Variants in MAPK8IP2 observed in about 807,000 individuals in gnomAD.
The protein encoded by MAPK8IP2 is C-Jun-amino-terminal kinase-interacting protein 2.
In MAPK8IP2, 15 loss-of-function variants were observed where a neutral mutation model predicts 75.6. The observed-to-expected ratio is 0.20, with a 90% CI of 0.13 to 0.31. MAPK8IP2 has a LOEUF of 0.31. Ranked by LOEUF, MAPK8IP2 falls within the 10% of genes least tolerant of loss-of-function variation. The probability of loss-of-function intolerance (pLI) is 1.00; values close to 1 mark genes in which losing one functional copy is unlikely to be tolerated. For missense variants in MAPK8IP2, 1,089 were observed against 1,211.2 expected, an observed-to-expected ratio of 0.90 and a Z score of 1.50; for synonymous variants, 632 against 554.5, an observed-to-expected ratio of 1.14 and a Z score of -1.96.
intron 2 of MAPK8IP2, among the ~76,000 whole-genome samples, chr22:50,602,785 G>C (rs763799664): frequency 6.6e-6 from 1 of 152,214 alleles, no homozygotes; most frequent in Non-Finnish European, 1.5e-5. Flanking sequence ...CTGAACATCC[G>C]CTGAGCCCCA....
chr22:50,610,859 T>C lies in MAPK8IP2; in HGVS notation c.*80T>C. 4 of 1,309,184 alleles carry C rather than the reference T, an allele frequency of 3.1e-6. No individual in the cohort carries two copies. The highest frequency in any genetic ancestry group is 4.3e-6 in the Non-Finnish European group (4 of 939,886). The allele number at this position is 1,309,184 out of a possible 1,614,324, so 81.1% of individuals were successfully genotyped here. ...GATGTCTCAAGAGGCCACCATGGCT[T>C]TGGCAAGGACTGGATTGGGGGGACA... On this transcript the variant is annotated 3_prime_UTR_variant, in exon 12 of 12. Coordinates refer to ENST00000329492, the MANE Select transcript of MAPK8IP2 (RefSeq NM_012324.6). The surrounding 1 kb of genome is among the most constrained non-coding windows in gnomAD (Gnocchi z 4.3).
chr22:50,606,896 G>A, intron 9 of MAPK8IP2, 25 bp from the exon 10 acceptor site: 2 of 1,612,512 alleles, frequency 1.2e-6, no homozygotes, highest in Middle Eastern at 1.7e-4. Flanking sequence ...TTTGACACAG[G>A]GACTTCTGCC....
chr22:50,604,585 C>T lies in MAPK8IP2; in HGVS notation c.1286C>T (p.Pro429Leu). 1 of 1,368,544 alleles carries T rather than the reference C, an allele frequency of 7.3e-7. No individual in the cohort carries two copies. The highest frequency in any genetic ancestry group is 1.6e-5 in the African/African-American group (1 of 64,276). The allele number at this position is 1,368,544 out of a possible 1,614,324, so 84.8% of individuals were successfully genotyped here. Residue 429 changes from proline to leucine, a missense_variant, in exon 5 of 12, where the codon CCC becomes CTC. By Grantham distance (98) the Pro-to-Leu change is moderately conservative. Coordinates refer to ENST00000329492, the MANE Select transcript of MAPK8IP2 (RefSeq NM_012324.6). ...PPAPAAPRPG[P>L]AQPGPCLFLS... The stretch of plus-strand genomic sequence containing the variant: ...GCGCCCGCCGCGCCTCGACCCGGCC[C>T]CGCGCAGCCCGGGCCCTGCCTATTC...
In MAPK8IP2 at chr22:50,610,242, G is replaced by C; in HGVS notation, c.2334G>C (p.Leu778=). Residue 778 remains leucine (L), a synonymous_variant, in exon 11 of 12, where the codon CTG becomes CTC. Coordinates refer to ENST00000329492, the MANE Select transcript of MAPK8IP2 (RefSeq NM_012324.6). This position sits in a 1 kb window ranked among gnomAD's most constrained non-coding sequence, Gnocchi z 4.3. ...TCGGCTTCATCACCAAACACCCCCT[G>C]CTGAGCCGCTTCGCCTGCCACGTCT... The part of the protein sequence containing the change: ...CYFGFITKHP[L]LSRFACHVFV... 6.2e-6 allele frequency: 10 copies of C among 1,602,368 alleles called. No homozygotes were observed. Among genetic ancestry groups the C allele is most frequent in the Non-Finnish European group, 8.5e-6 (10 of 1,175,022 alleles).
intron 10 of MAPK8IP2, among the ~76,000 whole-genome samples, chr22:50,608,399 A>G (rs1041209705): frequency 7.7e-6 from 1 of 130,376 alleles, no homozygotes; most frequent in Non-Finnish European, 1.7e-5. Flanking sequence ...AGGGGCGCAG[A>G]CCAGACAGTG....
In MAPK8IP2 at chr22:50,604,665, G is replaced by C; in HGVS notation, c.1366G>C (p.Ala456Pro). ...GCCGCTGTGGGCCGCGCCCGGCCGCGCCGCCCGCCCGGGACGAGCCTGCTC... is the reference window on the plus strand; with the variant it reads ...GCCGCTGTGGGCCGCGCCCGGCCGCCCCGCCCGCCCGGGACGAGCCTGCTC... ...ITPLWAAPGRAARPGRACSAA... is the reference protein window; with the variant it reads ...ITPLWAAPGRPARPGRACSAA... The change falls in exon 5 of 12, where the codon GCC (alanine) becomes CCC (proline). Residue 456 changes from alanine (A) to proline (P), a missense_variant. Transcript: ENST00000329492. The C allele has an allele frequency of 6.6e-7, 1 of 1,521,368 alleles. No individual in the cohort carries two copies. The highest frequency in any genetic ancestry group is 8.8e-7 in the Non-Finnish European group (1 of 1,139,446). The allele number at this position is 1,521,368 out of a possible 1,614,324, so 94.2% of individuals were successfully genotyped here. A position where few individuals can be genotyped will look rare whatever the true frequency, so the allele number is the denominator to read the frequency against.
At chr22:50,606,493 G>A (rs1332210574) in intron 8 of MAPK8IP2, among the ~76,000 whole-genome samples, 165 bp from the exon 9 acceptor site, 1 of 152,250 alleles carries the variant, frequency 6.6e-6, no homozygotes. Context: ...CCTGAGGAGT[G>A]GCCAAGGCCA....
In MAPK8IP2 at chr22:50,603,732, G is replaced by A; in HGVS notation, c.541+13G>A. 6.4e-7 allele frequency: 1 copy of A among 1,556,202 alleles called. No individual in the cohort carries two copies. The highest frequency in any genetic ancestry group is 8.7e-7 in the Non-Finnish European group (1 of 1,149,918). Reference sequence around the variant, plus strand: ...GAGGCCCTCAGAGGTGAGGGGTGGTGGGCCCGCGGGGCGCGGGGAAGCGGG... The same window carrying A: ...GAGGCCCTCAGAGGTGAGGGGTGGTAGGCCCGCGGGGCGCGGGGAAGCGGG... On this transcript the variant is annotated intron_variant, in intron 4 of 11. Transcript: ENST00000329492.
chr22:50,606,494 G>A (rs1004134105), intron 8 of MAPK8IP2, among the ~76,000 whole-genome samples, 164 bp from the exon 9 acceptor site: 22 of 152,232 alleles, frequency 1.4e-4, no homozygotes, highest in Non-Finnish European at 1.6e-4. Flanking sequence ...CTGAGGAGTG[G>A]CCAAGGCCAC....
intron 2 of MAPK8IP2, among the ~76,000 whole-genome samples, 185 bp downstream of exon 2, chr22:50,602,079 T>G (rs568057769): frequency 9.9e-5 from 15 of 152,146 alleles, no homozygotes; most frequent in Non-Finnish European, 1.9e-4. Flanking sequence ...TCCAACACAT[T>G]GCAGGCCTCC....
At chr22:50,609,978 C>G (rs1449176163) in intron 10 of MAPK8IP2, 2 of 708,434 alleles carry the variant, frequency 2.8e-6, no homozygotes, top group Non-Finnish European at 5.2e-6. Flanking sequence ...GTGGACGCCC[C>G]TGGTCATCAT....
intron 10 of MAPK8IP2, among the ~76,000 whole-genome samples, chr22:50,608,803 C>T (rs2071096131): frequency 7.3e-6 from 1 of 137,000 alleles, no homozygotes. Flanking sequence ...GGGGCCAGCT[C>T]TGGGGTCACT....
chr22:50,610,402 G>A lies in MAPK8IP2; in HGVS notation c.2402+92G>A, dbSNP rs1214614028. ...AGCAGGTGGGGGCAGGAGCCTGGCA[G>A]GGGAGGTCTGGGGAAGGAGAACCAG... On this transcript the variant is annotated intron_variant, in intron 11 of 11. Coordinates refer to ENST00000329492, the MANE Select transcript of MAPK8IP2 (RefSeq NM_012324.6). The surrounding 1 kb of genome is among the most constrained non-coding windows in gnomAD (Gnocchi z 4.3). 3 of 1,068,356 alleles carry A rather than the reference G, an allele frequency of 2.8e-6. No individual in the cohort carries two copies. The highest frequency in any genetic ancestry group is 3.1e-5 in the African/African-American group (2 of 63,892). 66.2% of individuals were successfully genotyped at this position (1,068,356 alleles called of 1,614,324 possible). A position where few individuals can be genotyped will look rare whatever the true frequency, so the allele number is the denominator to read the frequency against.
At chr22:50,609,497 G>A (rs1260359357) in intron 10 of MAPK8IP2, among the ~76,000 whole-genome samples, 2 of 152,000 alleles carry the variant, frequency 1.3e-5, no homozygotes, top group East Asian at 1.9e-4. Flanking sequence ...TGTGGACAGC[G>A]TGCACACACT....
In MAPK8IP2 at chr22:50,610,066, G is replaced by C. The variant is rs2071122169; in HGVS notation, c.2304-146G>C. On this transcript the variant is annotated intron_variant, in intron 10 of 11. Transcript: ENST00000329492. The surrounding 1 kb of genome is among the most constrained non-coding windows in gnomAD (Gnocchi z 4.3). ...CTGAAACCAAAAAAAGACAACTTCA[G>C]ATCTTGAAATTGTGCGACCCCCACA... The C allele has an allele frequency of 6.9e-6, 5 of 727,498 alleles. No homozygotes were observed. The highest frequency in any genetic ancestry group is 5.3e-5 in the East Asian group (2 of 37,936). The allele number at this position is 727,498 out of a possible 1,614,324, so 45.1% of individuals were successfully genotyped here.
chr22:50,603,031 C>T (rs1166011423), intron 2 of MAPK8IP2, 192 bp from the exon 3 acceptor site: 131 of 1,253,760 alleles, frequency 1.0e-4, no homozygotes, highest in Non-Finnish European at 1.3e-4. Context: ...TTAGGCCCTT[C>T]CCAAGAACTG....
chr22:50,609,240 G>T (rs1230447248), intron 10 of MAPK8IP2, among the ~76,000 whole-genome samples: 2 of 152,134 alleles, frequency 1.3e-5, no homozygotes, highest in South Asian at 4.1e-4. Flanking sequence ...CTGGTGTTGG[G>T]ATCACAGACT....
At position 50,611,275 on chromosome 22, in the gene MAPK8IP2, G is replaced by A. The variant is rs895918162; in HGVS notation, c.*496G>A. ...CCCATCCTTGACCACAGGGACAAGA[G>A]GGGCCCCCTCGCCCCAGCCCCACCC... On this transcript the variant is annotated 3_prime_UTR_variant, in exon 12 of 12. Transcript: ENST00000329492. This position sits in a 1 kb window ranked among gnomAD's most constrained non-coding sequence, Gnocchi z 5.5. 1 of 153,356 alleles carries A rather than the reference G, an allele frequency of 6.5e-6. No individual in the cohort carries two copies. The highest frequency in any genetic ancestry group is 2.4e-5 in the African/African-American group (1 of 41,478). 9.5% of individuals were successfully genotyped at this position (153,356 alleles called of 1,614,324 possible). A position where few individuals can be genotyped will look rare whatever the true frequency, so the allele number is the denominator to read the frequency against.
chr22:50,607,233 G>A lies in MAPK8IP2; in HGVS notation c.2303+242G>A, dbSNP rs1215373613. On this transcript the variant is annotated intron_variant, in intron 10 of 11. Transcript: ENST00000329492. This position sits in a 1 kb window ranked among gnomAD's most constrained non-coding sequence, Gnocchi z 5.6. ...GGAGAGAGGCACACGGGCGAAGGAT[G>A]TGAGAAGCCTGTGTGGGTGCAGAGG... 6.6e-6 allele frequency among the ~76,000 whole-genome samples: 1 copy of A among 152,198 alleles called. No individual in the cohort carries two copies. The highest frequency in any genetic ancestry group is 2.4e-5 in the African/African-American group (1 of 41,452).
Sources: allele counts gnomAD v4.1 joint callset (sites outside exome capture counted in the v4.1 genomes callset), GRCh38; gene constraint gnomAD v4.1.1; non-coding constraint Gnocchi (gnomAD v3.1); transcripts MANE v1.5; gene names NCBI Gene and HGNC (gene_info 2026-07-23, HGNC 2026-07-21).